Variants in ABTB3 observed in about 807,000 individuals in gnomAD.
ABTB3 encodes ankyrin repeat- and BTB/POZ domain-containing protein 3.
At chr12:107,600,274 C>T in the ABTB3 span, among the ~76,000 whole-genome samples, 2 of 152,116 alleles carry the variant, frequency 1.3e-5, no homozygotes, top group South Asian at 2.1e-4. Context: ...ACCTCGATGC[C>T]GCAATTTTTC....
the ABTB3 span, among the ~76,000 whole-genome samples, chr12:107,493,781 T>C: frequency 4.6e-5 from 7 of 152,226 alleles, no homozygotes; most frequent in South Asian, 2.1e-4. Context: ...ACCATGAACA[T>C]GAAGGCGGAG....
the ABTB3 span, among the ~76,000 whole-genome samples, chr12:107,427,179 T>C: frequency 6.6e-6 from 1 of 152,184 alleles, no homozygotes; most frequent in South Asian, 2.1e-4. Flanking sequence ...CTCTTCCAGC[T>C]TCTAGAGGCT....
the ABTB3 span, among the ~76,000 whole-genome samples, chr12:107,603,481 C>G: frequency 2.0e-5 from 3 of 152,300 alleles, no homozygotes; most frequent in African/African-American, 7.2e-5. Flanking sequence ...AAAGGACGCT[C>G]TCTTCAGTAA....
chr12:107,457,792 C>A, the ABTB3 span, among the ~76,000 whole-genome samples: 1 of 152,204 alleles, frequency 6.6e-6, no homozygotes, highest in Non-Finnish European at 1.5e-5. Context: ...GCAGAACGGG[C>A]AAAGAGAGCC....
At chr12:107,386,947 A>C in the ABTB3 span, among the ~76,000 whole-genome samples, 1 of 149,694 alleles carries the variant, frequency 6.7e-6, no homozygotes, top group Non-Finnish European at 1.5e-5. Context: ...GCTTGCAAGA[A>C]GATGGTGTGG....
chr12:107,331,812 C>G, the ABTB3 span, among the ~76,000 whole-genome samples: 3 of 152,220 alleles, frequency 2.0e-5, no homozygotes, highest in African/African-American at 7.2e-5. Context: ...CTGCGGCTGC[C>G]ATTGTTGGGG....
the ABTB3 span, among the ~76,000 whole-genome samples, chr12:107,376,208 A>G: frequency 6.6e-6 from 1 of 151,996 alleles, no homozygotes; most frequent in African/African-American, 2.4e-5. Context: ...TCATCTGGCC[A>G]TATTTTCCTT....
chr12:107,609,073 G>C, the ABTB3 span, among the ~76,000 whole-genome samples: 1 of 152,156 alleles, frequency 6.6e-6, no homozygotes, highest in African/African-American at 2.4e-5. Context: ...GCTAGTCTCT[G>C]CCTGGCGGCT....
At chr12:107,457,145 A>AGCC in the ABTB3 span, among the ~76,000 whole-genome samples, 2 of 152,206 alleles carry the variant, frequency 1.3e-5, no homozygotes, top group African/African-American at 4.8e-5. Context: ...TACAGGCGTA[A>AGCC]GCCACCGTGC....
At chr12:107,482,986 TTCC>T in the ABTB3 span, among the ~76,000 whole-genome samples, 1 of 11,074 alleles carries the variant, frequency 9.0e-5, no homozygotes, top group South Asian at 3.8e-3. Context: ...CTTTCTTTCT[TTCC>T]TTCCTTCCTT....
chr12:107,535,420 C>T, the ABTB3 span, among the ~76,000 whole-genome samples: 1 of 152,082 alleles, frequency 6.6e-6, no homozygotes, highest in Non-Finnish European at 1.5e-5. Flanking sequence ...GAAGCCCTAA[C>T]AAGCAATTAA....
chr12:107,385,747 C>A, the ABTB3 span, among the ~76,000 whole-genome samples: 1 of 152,180 alleles, frequency 6.6e-6, no homozygotes, highest in Non-Finnish European at 1.5e-5. Context: ...TACGTGCACC[C>A]CCCCAAGCCC....
At chr12:107,437,158 AC>A in the ABTB3 span, among the ~76,000 whole-genome samples, 2 of 152,140 alleles carry the variant, frequency 1.3e-5, no homozygotes, top group African/African-American at 4.8e-5. Flanking sequence ...GTAACACATG[AC>A]CACAAACTCA....
the ABTB3 span, among the ~76,000 whole-genome samples, chr12:107,526,049 C>A: frequency 2.0e-5 from 3 of 152,150 alleles, no homozygotes; most frequent in Non-Finnish European, 4.4e-5. Context: ...ACATCACCCA[C>A]AACTAAGGAA....
the ABTB3 span, among the ~76,000 whole-genome samples, chr12:107,384,766 G>T: frequency 2.0e-5 from 3 of 152,122 alleles, no homozygotes; most frequent in African/African-American, 7.2e-5. Context: ...CCTTCCTTAG[G>T]CTGAGCAGTT....
the ABTB3 span, among the ~76,000 whole-genome samples, chr12:107,432,171 G>A: frequency 3.4e-4 from 52 of 152,118 alleles, no homozygotes; most frequent in African/African-American, 1.2e-3. Context: ...AACACAGAGC[G>A]TGTATGACCT....
chr12:107,621,974 C>T, the ABTB3 span, among the ~76,000 whole-genome samples: 5 of 152,310 alleles, frequency 3.3e-5, no homozygotes, highest in South Asian at 8.3e-4. Flanking sequence ...GGTATGGTGG[C>T]TCATGCCTGT....
the ABTB3 span, among the ~76,000 whole-genome samples, chr12:107,398,295 C>A: frequency 2.0e-5 from 3 of 152,210 alleles, no homozygotes; most frequent in African/African-American, 7.2e-5. Flanking sequence ...TTATGCATGC[C>A]TATCCTCACT....
At chr12:107,371,233 C>T in the ABTB3 span, among the ~76,000 whole-genome samples, 658 of 152,278 alleles carry the variant, frequency 4.3e-3, 6 homozygotes, top group African/African-American at 0.015. Context: ...TAAATCCCAT[C>T]TCTAGGTTGC....
Sources: gnomAD v4.1 joint callset for allele counts (sites outside exome capture counted in the v4.1 genomes callset) on GRCh38, gnomAD v4.1.1 for gene constraint, MANE v1.5 for transcripts, NCBI Gene and HGNC (gene_info 2026-07-23, HGNC 2026-07-21) for gene names.